TDRD9: variants seen among roughly 807,000 people sequenced by gnomAD.
TDRD9 encodes tudor domain containing 9, also known as ATP-dependent RNA helicase TDRD9.
TDRD9 carries 124 observed loss-of-function variants against 172.6 expected under a neutral mutation model. That is an observed-to-expected ratio of 0.72 (90% CI 0.62 to 0.83). The LOEUF (loss-of-function observed/expected upper bound fraction) is 0.83. TDRD9 is among the 40% of genes least tolerant of loss of function. The pLI is 0.00. For missense variants in TDRD9, 1,479 were observed against 1,714.1 expected, an observed-to-expected ratio of 0.86 and a Z score of 2.42; for synonymous variants, 619 against 617.1, an observed-to-expected ratio of 1.00 and a Z score of -0.05.
intron 15 of TDRD9, 101 bp from the exon 16 acceptor site, chr14:104,006,288 C>T: frequency 1.1e-6 from 1 of 945,084 alleles, no homozygotes; most frequent in Admixed American, 2.5e-5. Flanking sequence ...TGTTATTCAC[C>T]AAAATTAGGT....
intron 6 of TDRD9, among the ~76,000 whole-genome samples, chr14:103,971,471 A>G (rs2033029521): frequency 6.7e-6 from 1 of 148,900 alleles, no homozygotes; most frequent in African/African-American, 2.5e-5. Flanking sequence ...TGCCAGGCTA[A>G]TTTTTTTTTT....
rs375850898 is a variant in TDRD9, at chr14:103,932,682, C to T, written c.215+3958C>T. 5.3e-5 allele frequency among the ~76,000 whole-genome samples: 8 copies of T among 152,152 alleles called. No homozygotes were observed. The East Asian group carries it at 5.8e-4, about 11-fold the overall frequency. On this transcript the variant is annotated intron_variant, in intron 1 of 35. Coordinates refer to ENST00000409874, the MANE Select transcript of TDRD9 (RefSeq NM_153046.3). ...GATTACAGGCGTGAGGTACTGCGCC[C>T]GGCCGGGAGGGATGGCTTTTATAAG...
At chr14:104,022,758 AAAT>A (rs553682850) in intron 24 of TDRD9, among the ~76,000 whole-genome samples, 2 of 151,658 alleles carry the variant, frequency 1.3e-5, no homozygotes, top group Non-Finnish European at 1.5e-5. Flanking sequence ...ATAAATAAAT[AAAT>A]AAAAAAGCAC....
intron 4 of TDRD9, among the ~76,000 whole-genome samples, chr14:103,966,046 TA>T (rs1204841099): frequency 6.6e-6 from 1 of 151,346 alleles, no homozygotes; most frequent in Non-Finnish European, 1.5e-5. Flanking sequence ...TTCTTGAAAA[TA>T]AGGCTGGGCA....
At chr14:103,951,054 A>G (rs1259111237) in intron 1 of TDRD9, among the ~76,000 whole-genome samples, 1 of 152,194 alleles carries the variant, frequency 6.6e-6, no homozygotes, top group Non-Finnish European at 1.5e-5. Context: ...ACTTCCCTGA[A>G]TACACAAATC....
At chr14:103,955,202 G>C (rs1329193484) in intron 1 of TDRD9, among the ~76,000 whole-genome samples, 4 of 152,198 alleles carry the variant, frequency 2.6e-5, no homozygotes, top group Non-Finnish European at 4.4e-5. Context: ...TGGGATTACA[G>C]GTGTGAACCA....
At chr14:103,975,344 G>A in intron 6 of TDRD9, 45 bp from the exon 7 acceptor site, 1 of 1,569,506 alleles carries the variant, frequency 6.4e-7, no homozygotes, top group Non-Finnish European at 8.7e-7. Context: ...TTTAATTTGT[G>A]ATGATTCTCA....
At chr14:104,002,317 CAAAAAAAAA>C (rs200021451) in intron 13 of TDRD9, among the ~76,000 whole-genome samples, 1 of 128,742 alleles carries the variant, frequency 7.8e-6, no homozygotes, top group Admixed American at 8.1e-5. Flanking sequence ...GATGCTGTTT[CAAAAAAAAA>C]AAAAAAAAAA....
intron 19 of TDRD9, among the ~76,000 whole-genome samples, chr14:104,008,159 GT>G (rs1470780912): frequency 1.6e-4 from 25 of 152,238 alleles, no homozygotes; most frequent in Admixed American, 1.6e-3. Context: ...AGATAATCAA[GT>G]TATGTCTACC....
intron 1 of TDRD9, among the ~76,000 whole-genome samples, chr14:103,936,142 C>G (rs182664974): frequency 1.8e-4 from 28 of 152,206 alleles, no homozygotes; most frequent in African/African-American, 6.7e-4. Flanking sequence ...AATGCAGTGG[C>G]ACAATAACGT....
intron 28 of TDRD9, among the ~76,000 whole-genome samples, chr14:104,029,779 T>C (rs1019926721): frequency 2.6e-5 from 4 of 152,216 alleles, no homozygotes; most frequent in African/African-American, 9.6e-5. Flanking sequence ...ATGGCAGTTT[T>C]CCCCTCTTCA....
At chr14:103,935,130 G>A (rs576497272) in intron 1 of TDRD9, among the ~76,000 whole-genome samples, 1 of 152,284 alleles carries the variant, frequency 6.6e-6, no homozygotes, top group East Asian at 1.9e-4. Flanking sequence ...GGCCTATCCT[G>A]CAGATTTTGG....
chr14:104,029,253 A>C (rs1033609248), intron 28 of TDRD9, among the ~76,000 whole-genome samples: 1 of 152,136 alleles, frequency 6.6e-6, no homozygotes, highest in Admixed American at 6.5e-5. Context: ...GTTGCATTGA[A>C]TCTGTAGCTC....
chr14:103,934,399 T>C (rs1255683327), intron 1 of TDRD9, among the ~76,000 whole-genome samples: 3 of 152,222 alleles, frequency 2.0e-5, no homozygotes, highest in African/African-American at 4.8e-5. Flanking sequence ...TGCTGGTGCA[T>C]GTTCTCTGTA....
At chr14:104,028,595 A>G (rs2152248173) in intron 28 of TDRD9, among the ~76,000 whole-genome samples, 1 of 152,218 alleles carries the variant, frequency 6.6e-6, no homozygotes, top group East Asian at 1.9e-4. Context: ...CCTTTGTCAG[A>G]TGAGTAGTTT....
Position 103,941,225 on chromosome 14 carries a change from T to C in TDRD9, c.215+12501T>C, listed in dbSNP as rs866929465. 4 of 998,782 alleles carry C rather than the reference T, an allele frequency of 4.0e-6. No individual in the cohort carries two copies. The South Asian group carries it at 5.3e-5, about 13-fold the overall frequency. 61.9% of individuals were successfully genotyped at this position (998,782 alleles called of 1,614,324 possible). A position where few individuals can be genotyped will look rare whatever the true frequency, so the allele number is the denominator to read the frequency against. On this transcript the variant is annotated intron_variant, in intron 1 of 35. Transcript: ENST00000409874. ...CACCTTTTGAGTATTTTGCATGTTG[T>C]TTTAAAATTATGCTTCTAGTAAAGA...
intron 1 of TDRD9, among the ~76,000 whole-genome samples, chr14:103,944,711 G>A (rs1238277390): frequency 6.6e-6 from 1 of 151,824 alleles, no homozygotes; most frequent in Non-Finnish European, 1.5e-5. Flanking sequence ...GATTACAGGC[G>A]TGCACCACCA....
intron 32 of TDRD9, 44 bp downstream of exon 32, chr14:104,035,100 C>A: frequency 6.7e-7 from 1 of 1,500,620 alleles, no homozygotes; most frequent in Admixed American, 2.0e-5. Flanking sequence ...AAATAAGAAC[C>A]TGGGCGGGAA....
intron 1 of TDRD9, 76 bp downstream of exon 1, chr14:103,928,800 A>G (rs1048818494): frequency 1.6e-4 from 71 of 443,356 alleles, no homozygotes; most frequent in Non-Finnish European, 2.3e-4. Flanking sequence ...GGCCATCCAG[A>G]TCCTTCTCGC....
Sources: allele counts gnomAD v4.1 joint callset (sites outside exome capture counted in the v4.1 genomes callset), GRCh38; gene constraint gnomAD v4.1.1; transcripts MANE v1.5; gene names NCBI Gene and HGNC (gene_info 2026-07-23, HGNC 2026-07-21).